ARSG: variants seen among roughly 807,000 people sequenced by gnomAD.
ARSG encodes the protein ASG.
In ARSG, 37 loss-of-function variants were observed where a neutral mutation model predicts 50.5. That is an observed-to-expected ratio of 0.73 (90% CI 0.56 to 0.96). ARSG has a LOEUF of 0.96. Among genes scored for constraint, ARSG ranks in the 50% least tolerant of loss-of-function variants. The pLI is 0.00. For synonymous variants in ARSG, 225 were observed against 254.6 expected (o/e 0.88, Z 1.11); for missense variants, 629 against 675.3 (o/e 0.93, Z 0.76).
downstream of ARSG, among the ~76,000 whole-genome samples, chr17:68,425,386 T>C (rs1473518882): frequency 2.1e-5 from 2 of 93,518 alleles, no homozygotes; most frequent in South Asian, 3.6e-4. Flanking sequence ...TCTTTTCTTT[T>C]TTTTTTTTTT....
At chr17:68,444,511 T>C in the ARSG span, 1 of 1,613,802 alleles carries the variant, frequency 6.2e-7, no homozygotes. Flanking sequence ...TTTGCAGGAA[T>C]ATCCAGGAGG....
chr17:68,315,487 A>G (rs2077034019), intron 2 of ARSG, among the ~76,000 whole-genome samples: 1 of 151,990 alleles, frequency 6.6e-6, no homozygotes, highest in Non-Finnish European at 1.5e-5. Flanking sequence ...TGATCGTGTC[A>G]CTGCACTCCA....
chr17:68,426,231 G>C (rs1022445607), downstream of ARSG: 9 of 1,275,268 alleles, frequency 7.1e-6, no homozygotes, highest in Non-Finnish European at 1.0e-5. Context: ...TTTATGCCAT[G>C]ACCTGGCGGG....
intron 1 of ARSG, among the ~76,000 whole-genome samples, chr17:68,300,995 G>A (rs1195582844): frequency 6.6e-6 from 1 of 151,894 alleles, no homozygotes. Context: ...GCGGGCGCCT[G>A]TAGTCCCAGC....
intron 2 of ARSG, among the ~76,000 whole-genome samples, chr17:68,339,428 CT>C (rs1158620631): frequency 6.6e-6 from 1 of 152,194 alleles, no homozygotes; most frequent in Non-Finnish European, 1.5e-5. Flanking sequence ...TACATTGGGT[CT>C]GTATTAAAAT....
intron 2 of ARSG, among the ~76,000 whole-genome samples, chr17:68,338,081 C>T (rs78984779): frequency 0.012 from 1,848 of 152,260 alleles, 38 homozygotes; most frequent in African/African-American, 0.042. Context: ...GAAAAACTGG[C>T]TTCCCTGAAT....
At chr17:68,299,822 A>G (rs2076347057) in intron 1 of ARSG, among the ~76,000 whole-genome samples, 1 of 152,220 alleles carries the variant, frequency 6.6e-6, no homozygotes, top group South Asian at 2.1e-4. Flanking sequence ...GATACTAACC[A>G]ATTGTTAATT....
chr17:68,371,686 G>A (rs748679731), intron 8 of ARSG, among the ~76,000 whole-genome samples: 1 of 152,144 alleles, frequency 6.6e-6, no homozygotes, highest in South Asian at 2.1e-4. Flanking sequence ...AATGACATAC[G>A]AAAAAGGATG....
rs1373466265 is a variant in ARSG at position 68,270,923 on chromosome 17, C to T, written c.-552+11497C>T. The T allele has an allele frequency of 3.7e-6, 6 of 1,614,060 alleles. No homozygotes were observed. The African/African-American group carries it at 4.0e-5, about 11-fold the overall frequency. ...GCAGAAGACATCTTCTCAATGCCCA[C>T]GACATCATCCTCAGCAAGCAGTGGA... On this transcript the variant is annotated intron_variant, in intron 1 of 11. Coordinates refer to the ARSG transcript ENST00000448504.
chr17:68,274,419 T>C (rs1029667843), intron 1 of ARSG: 32 of 190,290 alleles, frequency 1.7e-4, no homozygotes, highest in African/African-American at 5.7e-4. Flanking sequence ...TGAGCCAAGA[T>C]TGCACCACTG....
chr17:68,302,660 C>G (rs1480372011), intron 1 of ARSG, among the ~76,000 whole-genome samples: 3 of 152,180 alleles, frequency 2.0e-5, no homozygotes, highest in Non-Finnish European at 4.4e-5. Flanking sequence ...GGAGGTCAAA[C>G]TTGAGCACAC....
chr17:68,411,869 C>T (rs2082018097), intron 11 of ARSG, among the ~76,000 whole-genome samples: 1 of 150,904 alleles, frequency 6.6e-6, no homozygotes, highest in Non-Finnish European at 1.5e-5. Flanking sequence ...ATCCCTTTAC[C>T]ATTATGTAAT....
chr17:68,281,452 G>A (rs1555752787), intron 1 of ARSG, among the ~76,000 whole-genome samples: 1 of 151,954 alleles, frequency 6.6e-6, no homozygotes, highest in African/African-American at 2.4e-5. Context: ...CTCTACACCT[G>A]TAGTCCCAGC....
chr17:68,323,051 C>G (rs1568466838), intron 2 of ARSG, among the ~76,000 whole-genome samples: 1 of 152,118 alleles, frequency 6.6e-6, no homozygotes, highest in East Asian at 1.9e-4. Context: ...CTCTCTCTCT[C>G]TCTCTGATGT....
intron 11 of ARSG, among the ~76,000 whole-genome samples, chr17:68,403,029 A>G (rs896199683): frequency 6.6e-6 from 1 of 152,226 alleles, no homozygotes; most frequent in African/African-American, 2.4e-5. Context: ...TTCAAATTAT[A>G]TGATAAAAAA....
At chr17:68,369,426 GC>G (rs1778066494) in intron 7 of ARSG, among the ~76,000 whole-genome samples, 30 of 152,310 alleles carry the variant, frequency 2.0e-4, no homozygotes, top group Admixed American at 1.4e-3. Flanking sequence ...TGTAGTCCCA[GC>G]TACTCTGGAG....
intron 2 of ARSG, among the ~76,000 whole-genome samples, chr17:68,327,604 A>C (rs1287044462): frequency 6.6e-6 from 1 of 152,138 alleles, no homozygotes; most frequent in East Asian, 1.9e-4. Flanking sequence ...GTTACATTGC[A>C]TCAAGACCCA....
chr17:68,421,947 T>A, downstream of ARSG: 2 of 1,194,204 alleles, frequency 1.7e-6, no homozygotes, highest in Non-Finnish European at 2.5e-6. Flanking sequence ...AATTTTTCTG[T>A]CTGAACTCGC....
intron 1 of ARSG, chr17:68,267,058 C>A (rs2075181068): frequency 1.3e-5 from 2 of 152,018 alleles, no homozygotes; most frequent in South Asian, 4.1e-4. Flanking sequence ...AAATTTATTG[C>A]AAATCTAGAA....
Sources: allele counts gnomAD v4.1 joint callset (sites outside exome capture counted in the v4.1 genomes callset), GRCh38; gene constraint gnomAD v4.1.1; transcripts MANE v1.5; gene names NCBI Gene and HGNC (gene_info 2026-07-23, HGNC 2026-07-21).